Variants in NMS observed in about 807,000 individuals in gnomAD.
NMS encodes neuromedin-S.
In NMS, 30 loss-of-function variants were observed where a neutral mutation model predicts 32.2. The ratio of observed to expected loss-of-function variants is 0.93; its 90% CI spans 0.70 to 1.26. The LOEUF (loss-of-function observed/expected upper bound fraction) is 1.26, where lower values mean the gene tolerates loss of function less well. Among genes scored for constraint, NMS ranks in the 50% most tolerant of loss-of-function variants. The probability of loss-of-function intolerance (pLI) is 0.00; values close to 1 mark genes in which losing one functional copy is unlikely to be tolerated. For missense variants in NMS, 190 were observed against 186.3 expected (o/e 1.02, Z -0.12); for synonymous variants, 76 against 58.5 (o/e 1.30, Z -1.37).
At chr2:100,479,476 T>G in intron 6 of NMS, 49 bp downstream of exon 6, 2 of 1,488,052 alleles carry the variant, frequency 1.3e-6, no homozygotes, top group African/African-American at 1.4e-5. Context: ...CACAGTTCAT[T>G]GAATCGTGGT....
At chr2:100,478,525 C>T (rs6751966) in intron 5 of NMS, among the ~76,000 whole-genome samples, 3,612 of 152,264 alleles carry the variant, frequency 0.024, 61 homozygotes, top group East Asian at 0.067. Context: ...TGCAATGGCA[C>T]GATCTCAGCT....
Position 100,479,394 on chromosome 2 carries a change from C to G in NMS, c.303C>G (p.Leu101=). The change falls in exon 6 of 10, where the codon CTC becomes CTG. Residue 101 remains leucine (L), a synonymous_variant. Transcript: ENST00000376865. ...CTCTAATGCACCTGGCTGCCAAGCTCGCCAACAGGCGGATGAAGAGAATTC... is the reference window on the plus strand; with the variant it reads ...CTCTAATGCACCTGGCTGCCAAGCTGGCCAACAGGCGGATGAAGAGAATTC... ...VHPLMHLAAK[L]ANRRMKRILQ... The G allele has an allele frequency of 6.2e-7, 1 of 1,611,202 alleles. No homozygotes were observed. The highest frequency in any genetic ancestry group is 8.5e-7 in the Non-Finnish European group (1 of 1,178,772).
chr2:100,474,281 T>C (rs1677064417), intron 3 of NMS, among the ~76,000 whole-genome samples: 1 of 152,226 alleles, frequency 6.6e-6, no homozygotes, highest in Non-Finnish European at 1.5e-5. Context: ...TAGCCCATGA[T>C]GCCTAGGATA....
intron 7 of NMS, 133 bp from the exon 8 acceptor site, chr2:100,480,993 C>A: frequency 1.1e-6 from 1 of 870,412 alleles, no homozygotes; most frequent in Non-Finnish European, 1.9e-6. Context: ...GTTTGTATTT[C>A]TTACAAGTTC....
chr2:100,480,562 C>T (rs748938739), intron 7 of NMS, 31 bp downstream of exon 7: 12 of 1,611,380 alleles, frequency 7.4e-6, no homozygotes, highest in Admixed American at 3.3e-5. Flanking sequence ...CTGCGACCCC[C>T]AAAGAAAGCC....
intron 8 of NMS, among the ~76,000 whole-genome samples, chr2:100,481,520 A>T (rs1238596382): frequency 6.6e-6 from 1 of 151,994 alleles, no homozygotes; most frequent in Non-Finnish European, 1.5e-5. Context: ...ACCATCCTCT[A>T]CTCCTTCCTG....
intron 3 of NMS, among the ~76,000 whole-genome samples, chr2:100,476,008 AAAAG>A (rs1368072354): frequency 6.6e-6 from 1 of 151,680 alleles, no homozygotes; most frequent in African/African-American, 2.4e-5. Context: ...CCAAAAAAAA[AAAAG>A]AAAAGAAAAG....
chr2:100,471,746 C>A (rs1429506043), intron 1 of NMS, among the ~76,000 whole-genome samples: 4 of 152,146 alleles, frequency 2.6e-5, no homozygotes, highest in Non-Finnish European at 5.9e-5. Flanking sequence ...TTCCAATCAC[C>A]AAAAACTTCT....
In NMS at chr2:100,473,528, C is replaced by T. The variant is rs371435379; in HGVS notation, c.172C>T (p.Arg58Cys). 100 of 1,454,010 alleles carry T rather than the reference C, an allele frequency of 6.9e-5. 1 individual carries two copies. Among genetic ancestry groups the T allele is most frequent in the South Asian group, 1.1e-4 (7 of 62,572 alleles). The allele number at this position is 1,454,010 out of a possible 1,614,324, so 90.1% of individuals were successfully genotyped here. A position where few individuals can be genotyped will look rare whatever the true frequency, so the allele number is the denominator to read the frequency against. Residue 58 changes from arginine to cysteine, a missense_variant, in exon 3 of 10, where the codon CGC becomes TGC. Coordinates refer to ENST00000376865, the MANE Select transcript of NMS (RefSeq NM_001011717.1). ...YCLSQWAPLS[R>C]QPKDNQDIYK... Reference sequence around the variant, plus strand: ...TCTGAGTCAGTGGGCACCTCTTTCTCGCCAACCTAAGGTAAAAAAATGTGT... The same window carrying T: ...TCTGAGTCAGTGGGCACCTCTTTCTTGCCAACCTAAGGTAAAAAAATGTGT...
chr2:100,481,040 A>G (rs999668777), intron 7 of NMS, 86 bp from the exon 8 acceptor site: 11 of 1,392,488 alleles, frequency 7.9e-6, no homozygotes, highest in African/African-American at 1.4e-5. Flanking sequence ...GGGACCACCC[A>G]TTTTGAAAAC....
chr2:100,471,742 T>A (rs1172771949), intron 1 of NMS, among the ~76,000 whole-genome samples: 1 of 152,226 alleles, frequency 6.6e-6, no homozygotes, highest in Non-Finnish European at 1.5e-5. Flanking sequence ...ATGATTCCAA[T>A]CACCAAAAAC....
chr2:100,476,723 A>G (rs1454570381), intron 3 of NMS, among the ~76,000 whole-genome samples: 1 of 152,202 alleles, frequency 6.6e-6, no homozygotes, highest in Non-Finnish European at 1.5e-5. Context: ...ATAAGCGCAC[A>G]TGCAGCCATC....
intron 5 of NMS, 59 bp downstream of exon 5, chr2:100,477,473 A>G (rs2104335620): frequency 7.8e-7 from 1 of 1,279,612 alleles, no homozygotes; most frequent in South Asian, 1.2e-5. Flanking sequence ...CATGTCGTCC[A>G]TCCTTTCTTA....
chr2:100,481,919 G>A (rs374367904), intron 8 of NMS, among the ~76,000 whole-genome samples: 1 of 152,154 alleles, frequency 6.6e-6, no homozygotes, highest in Non-Finnish European at 1.5e-5. Flanking sequence ...TGACCTACTC[G>A]TTTCCTAGAA....
chr2:100,473,421 C>G, intron 2 of NMS, 68 bp from the exon 3 acceptor site: 1 of 800,164 alleles, frequency 1.2e-6, no homozygotes, highest in Middle Eastern at 2.4e-4. Context: ...TATTTGATTA[C>G]CCATTAATCA....
At chr2:100,477,133 A>G in intron 3 of NMS, 111 bp from the exon 4 acceptor site, 1 of 832,134 alleles carries the variant, frequency 1.2e-6, no homozygotes, top group Non-Finnish European at 2.0e-6. Flanking sequence ...AATTTATCAT[A>G]ATAGTCAGGT....
intron 1 of NMS, among the ~76,000 whole-genome samples, chr2:100,471,832 G>A (rs1486630001): frequency 1.3e-5 from 2 of 152,170 alleles, no homozygotes; most frequent in Admixed American, 6.5e-5. Context: ...GGGAAACACA[G>A]GATAAGACTA....
chr2:100,482,191 G>A, intron 8 of NMS, 86 bp from the exon 9 acceptor site: 3 of 1,322,142 alleles, frequency 2.3e-6, no homozygotes, highest in Non-Finnish European at 3.3e-6. Flanking sequence ...GAGGCCTTAG[G>A]GTTCAACAGA....
chr2:100,477,659 G>A (rs1677137607), intron 5 of NMS, among the ~76,000 whole-genome samples: 1 of 152,100 alleles, frequency 6.6e-6, no homozygotes, highest in African/African-American at 2.4e-5. Flanking sequence ...AAAATAAGTA[G>A]GAAATAACCT....
Sources: allele counts gnomAD v4.1 joint callset (sites outside exome capture counted in the v4.1 genomes callset), GRCh38; gene constraint gnomAD v4.1.1; transcripts MANE v1.5; gene names NCBI Gene and HGNC (gene_info 2026-07-23, HGNC 2026-07-21).